The following SCN8A variants were observed in gnomAD, a reference collection of about 807,000 sequenced individuals.
SCN8A encodes the protein sodium channel protein type 8 subunit alpha.
Under a neutral mutation model 184.1 loss-of-function variants are expected in SCN8A, and 30 were observed. The ratio of observed to expected loss-of-function variants is 0.16; its 90% CI spans 0.12 to 0.22. The LOEUF is 0.22. Ranked by LOEUF, SCN8A falls within the 10% of genes least tolerant of loss-of-function variation. The pLI, the probability that SCN8A is intolerant of heterozygous loss-of-function variation, is 1.00. For synonymous variants in SCN8A, 852 were observed against 907.0 expected, an observed-to-expected ratio of 0.94 and a Z score of 1.09; for missense variants, 1,057 against 2,498.9, an observed-to-expected ratio of 0.42 and a Z score of 12.30.
At chr12:51,645,519 G>A (rs921506247) in intron 1 of SCN8A, among the ~76,000 whole-genome samples, 1 of 152,102 alleles carries the variant, frequency 6.6e-6, no homozygotes, top group Non-Finnish European at 1.5e-5. Flanking sequence ...AGAAAGGGGG[G>A]AAAGGTGGGG....
At chr12:51,645,516 G>C (rs1364627673) in intron 1 of SCN8A, among the ~76,000 whole-genome samples, 8 of 152,114 alleles carry the variant, frequency 5.3e-5, no homozygotes, top group South Asian at 2.1e-4. Flanking sequence ...AATAGAAAGG[G>C]GGGAAAGGTG....
chr12:51,640,857 T>G (rs1405998023), intron 1 of SCN8A, among the ~76,000 whole-genome samples: 1 of 152,250 alleles, frequency 6.6e-6, no homozygotes, highest in Non-Finnish European at 1.5e-5. Flanking sequence ...ATGAAGTGGT[T>G]AACAATAGTT....
At chr12:51,610,951 C>T (rs1201526477) in intron 1 of SCN8A, among the ~76,000 whole-genome samples, 2 of 152,176 alleles carry the variant, frequency 1.3e-5, no homozygotes, top group Non-Finnish European at 2.9e-5. Context: ...AGTCCTTTTG[C>T]CTTTGCATAT....
In SCN8A at chr12:51,710,837, G is replaced by A. The variant is rs191559800; in HGVS notation, c.1635+4122G>A. Among the ~76,000 whole-genome samples the A allele has an allele frequency of 1.8e-3, 274 of 152,016 alleles. 1 individual carries two copies. Among genetic ancestry groups the A allele is most frequent in the African/African-American group, 6.5e-3 (268 of 41,448 alleles). The stretch of plus-strand genomic sequence containing the variant: ...TTTATCTTTCTGTTATGTTTTATAT[G>A]TACCTCTTTATTTGTTGCTTTTTAC... On this transcript the variant is annotated intron_variant, in intron 11 of 26. Transcript: ENST00000627620.
At chr12:51,742,948 A>G (rs1327619314) in intron 12 of SCN8A, among the ~76,000 whole-genome samples, 1 of 152,080 alleles carries the variant, frequency 6.6e-6, no homozygotes, top group Non-Finnish European at 1.5e-5. Flanking sequence ...CCTGTCTTCA[A>G]GCTCATTAAT....
intron 1 of SCN8A, among the ~76,000 whole-genome samples, chr12:51,656,089 TCAGAAA>T (rs1235928831): frequency 2.0e-5 from 3 of 152,176 alleles, no homozygotes; most frequent in Admixed American, 6.6e-5. Flanking sequence ...GATGACTTCC[TCAGAAA>T]CAGAAGACAT....
At chr12:51,711,684 GTTTCT>G (rs1310690974) in intron 11 of SCN8A, among the ~76,000 whole-genome samples, 3 of 143,498 alleles carry the variant, frequency 2.1e-5, no homozygotes, top group Admixed American at 6.9e-5. Context: ...TTATGTGTCA[GTTTCT>G]TTTATTTCCA....
chr12:51,698,862 GTACC>G, intron 6 of SCN8A, among the ~76,000 whole-genome samples: 1 of 152,184 alleles, frequency 6.6e-6, no homozygotes, highest in East Asian at 1.9e-4. Context: ...AAATATTATT[GTACC>G]TTCTCATTTA....
At chr12:51,619,828 G>A (rs1328179482) in intron 1 of SCN8A, among the ~76,000 whole-genome samples, 2 of 152,168 alleles carry the variant, frequency 1.3e-5, no homozygotes, top group South Asian at 4.1e-4. Context: ...TGATTGGACA[G>A]TCAGTTCCCA....
chr12:51,662,000 C>T (rs575789587), intron 1 of SCN8A, among the ~76,000 whole-genome samples: 321 of 152,322 alleles, frequency 2.1e-3, no homozygotes, highest in African/African-American at 7.5e-3. Flanking sequence ...AGGAGTCGCA[C>T]GCAGGCCCTT....
intron 11 of SCN8A, among the ~76,000 whole-genome samples, chr12:51,717,350 T>C (rs985174234): frequency 2.0e-5 from 3 of 152,248 alleles, no homozygotes; most frequent in African/African-American, 7.2e-5. Context: ...CAATTCTTCA[T>C]GAACTGATAC....
chr12:51,720,668 A>G (rs1942038278), intron 11 of SCN8A, among the ~76,000 whole-genome samples: 1 of 152,186 alleles, frequency 6.6e-6, no homozygotes, highest in Non-Finnish European at 1.5e-5. Context: ...GGGGGCATAT[A>G]TAATTTTCAA....
chr12:51,591,828 A>T (rs1426201086), intron 1 of SCN8A, among the ~76,000 whole-genome samples: 3 of 147,070 alleles, frequency 2.0e-5, no homozygotes, highest in Non-Finnish European at 4.5e-5. Context: ...CTTCTCCCTC[A>T]GCCGGCTTCA....
chr12:51,796,986 C>T (rs1298894725), intron 26 of SCN8A, among the ~76,000 whole-genome samples: 5 of 152,294 alleles, frequency 3.3e-5, no homozygotes, highest in Admixed American at 2.6e-4. Flanking sequence ...TCCCAGTCCA[C>T]TGACTCAAAT....
intron 6 of SCN8A, chr12:51,689,942 CT>C (rs1941479836): frequency 6.6e-6 from 1 of 152,034 alleles, no homozygotes; most frequent in South Asian, 2.1e-4. Flanking sequence ...GGTTCTTAAC[CT>C]TTTGAAGGTT....
intron 1 of SCN8A, among the ~76,000 whole-genome samples, chr12:51,659,550 T>C (rs954521358): frequency 6.6e-6 from 1 of 152,088 alleles, no homozygotes; most frequent in African/African-American, 2.4e-5. Context: ...ATGCATACGG[T>C]TGTAGAATGC....
intron 21 of SCN8A, among the ~76,000 whole-genome samples, chr12:51,782,255 C>T (rs925202642): frequency 6.6e-5 from 10 of 152,110 alleles, no homozygotes; most frequent in South Asian, 4.1e-4. Context: ...TTAGAATGTG[C>T]GCAATAAGGT....
At chr12:51,630,948 C>A (rs1940183882) in intron 1 of SCN8A, among the ~76,000 whole-genome samples, 1 of 152,168 alleles carries the variant, frequency 6.6e-6, no homozygotes, top group African/African-American at 2.4e-5. Context: ...GAGAGTCCTT[C>A]ACTACATCTC....
intron 1 of SCN8A, among the ~76,000 whole-genome samples, chr12:51,610,720 G>A (rs1939703554): frequency 6.6e-6 from 1 of 152,126 alleles, no homozygotes; most frequent in South Asian, 2.1e-4. Flanking sequence ...TGAAGATAGG[G>A]TCCCAATCCC....
Sources: allele counts gnomAD v4.1 joint callset (sites outside exome capture counted in the v4.1 genomes callset), GRCh38; gene constraint gnomAD v4.1.1; transcripts MANE v1.5; gene names NCBI Gene and HGNC (gene_info 2026-07-23, HGNC 2026-07-21).